Variants in TRPC5 observed in about 807,000 individuals in gnomAD.
TRPC5 encodes short transient receptor potential channel 5.
TRPC5 carries 9 observed loss-of-function variants against 56.5 expected under a neutral mutation model. The observed-to-expected ratio is 0.16, with a 90% CI of 0.10 to 0.28. The LOEUF (loss-of-function observed/expected upper bound fraction) is 0.28, where lower values mean the gene tolerates loss of function less well. Ranked by LOEUF, TRPC5 falls within the 10% of genes least tolerant of loss-of-function variation. TRPC5 has a pLI of 1.00. For synonymous variants in TRPC5, 282 were observed against 278.5 expected, an observed-to-expected ratio of 1.01 and a Z score of -0.13; for missense variants, 469 against 748.9, an observed-to-expected ratio of 0.63 and a Z score of 4.36.
In TRPC5 at chrX:111,790,257, C is replaced by T. The variant is rs112757836; in HGVS notation, c.1897-8119G>A. Among the ~76,000 whole-genome samples, 17 of 111,290 alleles carry T rather than the reference C, an allele frequency of 1.5e-4. No individual in the cohort carries two copies. The Admixed American group carries it at 1.6e-3, about 11-fold the overall frequency. On this transcript the variant is annotated intron_variant, in intron 7 of 10. Coordinates refer to ENST00000262839, the MANE Select transcript of TRPC5 (RefSeq NM_012471.3). The stretch of plus-strand genomic sequence containing the variant: ...AAAAAGGATGAGTTCATGTCCTTTG[C>T]AGGGACATGGATGAAGCTGGAAACC...
chrX:112,019,650 C>T (rs988344615), intron 1 of TRPC5, among the ~76,000 whole-genome samples: 2 of 111,387 alleles, frequency 1.8e-5, no homozygotes, highest in African/African-American at 3.3e-5. Flanking sequence ...TTAGCCAGGA[C>T]GGTCTCCATC....
chrX:112,027,655 C>G (rs946750359), intron 1 of TRPC5, among the ~76,000 whole-genome samples: 3 of 110,863 alleles, frequency 2.7e-5, no homozygotes, highest in African/African-American at 9.9e-5. Flanking sequence ...CGCCACCACG[C>G]CTGGCTAATT....
intron 1 of TRPC5, among the ~76,000 whole-genome samples, chrX:112,045,639 G>C (rs933657622): frequency 8.9e-6 from 1 of 111,936 alleles, no homozygotes; most frequent in East Asian, 2.8e-4. Flanking sequence ...CATTTGCAAG[G>C]AGTAATCATT....
chrX:111,836,130 C>T lies in TRPC5; in HGVS notation c.1701-1014G>A, dbSNP rs183587089. Among the ~76,000 whole-genome samples, 6 of 111,623 alleles carry T rather than the reference C, an allele frequency of 5.4e-5. No homozygotes were observed. In the Admixed American group the frequency reaches 5.7e-4, roughly 11 times the overall value. On this transcript the variant is annotated intron_variant, in intron 6 of 10. Transcript: ENST00000262839. ...CCTTCCAAAACCACTATATTGATGG[C>T]TTCTCAAATTATTATTTCCTCTCTT...
At chrX:111,982,663 G>T (rs1260575438) in intron 1 of TRPC5, among the ~76,000 whole-genome samples, 1 of 111,386 alleles carries the variant, frequency 9.0e-6, no homozygotes, top group Admixed American at 9.6e-5. Flanking sequence ...ATGCTTGAGG[G>T]GACCAAAGTG....
At chrX:111,865,221 AC>A (rs200213456) in intron 3 of TRPC5, among the ~76,000 whole-genome samples, 18 of 103,151 alleles carry the variant, frequency 1.7e-4, no homozygotes, top group African/African-American at 2.5e-4. Context: ...TTGCCATGTT[AC>A]CCCCCCCAGC....
At chrX:111,788,107 CAAA>C in intron 7 of TRPC5, among the ~76,000 whole-genome samples, 1 of 111,455 alleles carries the variant, frequency 9.0e-6, no homozygotes, top group Admixed American at 9.5e-5. Context: ...AGAGATACAA[CAAA>C]AAAAGAGAAT....
intron 1 of TRPC5, among the ~76,000 whole-genome samples, chrX:112,004,289 G>A (rs1403859970): frequency 9.3e-6 from 1 of 107,824 alleles, no homozygotes; most frequent in African/African-American, 3.7e-5. Flanking sequence ...AGTCTGGCTG[G>A]AACACAAGAA....
chrX:111,822,057 T>C (rs1922049034), intron 7 of TRPC5, among the ~76,000 whole-genome samples: 1 of 111,562 alleles, frequency 9.0e-6, no homozygotes, highest in African/African-American at 3.3e-5. Flanking sequence ...GGAATGTCCA[T>C]GGGTAATTGT....
chrX:111,805,201 C>T (rs1921459788), intron 7 of TRPC5, among the ~76,000 whole-genome samples: 1 of 111,848 alleles, frequency 8.9e-6, no homozygotes, highest in Admixed American at 9.5e-5. Flanking sequence ...GGGGTGAAGC[C>T]AACTTGATCG....
At chrX:111,869,744 A>C (rs1923679500) in intron 3 of TRPC5, among the ~76,000 whole-genome samples, 1 of 111,841 alleles carries the variant, frequency 8.9e-6, no homozygotes, top group African/African-American at 3.2e-5. Context: ...GCAATGGCTT[A>C]TCCTAGCCAT....
Position 112,071,169 on chromosome X carries a change from G to A in TRPC5, c.-22+10710C>T, listed in dbSNP as rs1185299663. Among the ~76,000 whole-genome samples the A allele has an allele frequency of 5.5e-5, 6 of 109,979 alleles. No homozygotes were observed. The South Asian group carries it at 1.2e-3, about 22-fold the overall frequency. On this transcript the variant is annotated intron_variant, in intron 1 of 10. Transcript: ENST00000262839. ...AAACAAAAAACCCACAATATTAGCC[G>A]GGCATGGTGTCGCATACCTGTACCT...
chrX:111,969,495 C>A (rs1168015992), intron 1 of TRPC5, among the ~76,000 whole-genome samples: 1 of 111,499 alleles, frequency 9.0e-6, no homozygotes, highest in Non-Finnish European at 1.9e-5. Flanking sequence ...TATAAAAATA[C>A]ATGGAGGATA....
At chrX:111,876,606 G>A (rs1408048112) in intron 3 of TRPC5, among the ~76,000 whole-genome samples, 1 of 111,495 alleles carries the variant, frequency 9.0e-6, no homozygotes, top group Non-Finnish European at 1.9e-5. Context: ...TGCCCTGAGG[G>A]AACCAGTGAA....
intron 1 of TRPC5, among the ~76,000 whole-genome samples, chrX:111,968,907 A>C (rs1603123311): frequency 9.4e-6 from 1 of 106,946 alleles, no homozygotes; most frequent in East Asian, 3.0e-4. Flanking sequence ...ACACACCAAC[A>C]TGGCACATGT....
At chrX:112,011,805 A>G (rs1047722943) in intron 1 of TRPC5, among the ~76,000 whole-genome samples, 5 of 112,046 alleles carry the variant, frequency 4.5e-5, no homozygotes, top group Non-Finnish European at 9.4e-5. Context: ...TTTGCTTTAC[A>G]GTACCCTGGA....
intron 7 of TRPC5, among the ~76,000 whole-genome samples, chrX:111,825,180 T>TTTCTTTCTTTCTTTCTTTCTTTCTTTCC (rs1922171686): frequency 1.2e-5 from 1 of 86,354 alleles, no homozygotes; most frequent in East Asian, 3.5e-4. Flanking sequence ...TCTTTCTTTC[T>TTTCTTTCTTTCTTTCTTTCTTTCTTTCC]TTCTTTCTTT....
intron 1 of TRPC5, among the ~76,000 whole-genome samples, chrX:112,033,895 G>C (rs1929654733): frequency 9.0e-6 from 1 of 111,646 alleles, no homozygotes; most frequent in Non-Finnish European, 1.9e-5. Context: ...CAATAAAAAA[G>C]AGAAGGCTAT....
intron 1 of TRPC5, among the ~76,000 whole-genome samples, chrX:112,021,735 T>C (rs1929276591): frequency 8.9e-6 from 1 of 112,337 alleles, no homozygotes; most frequent in Non-Finnish European, 1.9e-5. Context: ...CCAAGGCTAC[T>C]GTGTGTGTTA....
Sources: gnomAD v4.1 joint callset for allele counts (sites outside exome capture counted in the v4.1 genomes callset) on GRCh38, gnomAD v4.1.1 for gene constraint, MANE v1.5 for transcripts, NCBI Gene and HGNC (gene_info 2026-07-23, HGNC 2026-07-21) for gene names.